DNAH11: variants seen among roughly 807,000 people sequenced by gnomAD.
DNAH11 encodes dynein axonemal heavy chain 11, also known as axonemal beta dynein heavy chain 11.
Under a neutral mutation model 526.0 loss-of-function variants are expected in DNAH11, and 442 were observed. That is an observed-to-expected ratio of 0.84 (90% confidence interval 0.78 to 0.91). The LOEUF (loss-of-function observed/expected upper bound fraction) is 0.91, where lower values mean the gene tolerates loss of function less well. DNAH11 is among the 40% of genes least tolerant of loss of function. The pLI is 0.00. For synonymous variants in DNAH11, 2,461 were observed against 1,935.9 expected, an observed-to-expected ratio of 1.27 and a Z score of -7.12; for missense variants, 6,989 against 5,448.7, an observed-to-expected ratio of 1.28 and a Z score of -8.90.
chr7:21,805,285 CT>C (rs556099028), intron 62 of DNAH11, among the ~76,000 whole-genome samples: 27 of 152,212 alleles, frequency 1.8e-4, no homozygotes, highest in African/African-American at 6.3e-4. Context: ...CGCACAAATA[CT>C]TTTTTTGGTC....
At chr7:21,676,490 G>A (rs1866672) in intron 30 of DNAH11, among the ~76,000 whole-genome samples, 57,221 of 151,984 alleles carry the variant, frequency 0.38, 11,004 homozygotes, top group Non-Finnish European at 0.41. Context: ...ATAACTGTGG[G>A]TACAGAATTT....
chr7:21,681,001 C>T lies in DNAH11; in HGVS notation c.5329-545C>T, dbSNP rs377653318. ...GGGTAGAGGGTCAGTCCAGTGCAGC[C>T]GGGAAACCCTGTGTCTTCCCTGGCT... On this transcript the variant is annotated intron_variant, in intron 30 of 81. Coordinates refer to ENST00000409508, the MANE Select transcript of DNAH11 (RefSeq NM_001277115.2). Among the ~76,000 whole-genome samples, 7 of 152,120 alleles carry T rather than the reference C, an allele frequency of 4.6e-5. No homozygotes were observed. The East Asian group carries it at 7.7e-4, about 17-fold the overall frequency.
chr7:21,814,933 C>G (rs10950878), intron 63 of DNAH11, among the ~76,000 whole-genome samples: 1 of 151,870 alleles, frequency 6.6e-6, no homozygotes, highest in Admixed American at 6.6e-5. Context: ...ACAATACTAT[C>G]GAAACATCCT....
rs2285945 is a variant in DNAH11 at position 21,543,664 on chromosome 7, T to G, written c.351+68T>G. 189,079 of 1,494,258 alleles carry G rather than the reference T, an allele frequency of 0.13. 23,717 individuals carry two copies. The highest frequency in any genetic ancestry group is 0.6 in the East Asian group (24,138 of 40,404). The allele number at this position is 1,494,258 out of a possible 1,614,324, so 92.6% of individuals were successfully genotyped here. ...TACCCAGGGGAGACAGCCCAGTCGC[T>G]CCCCTTTGGATTCCCGCGGGGCGCT... On this transcript the variant is annotated intron_variant, in intron 1 of 81. Transcript: ENST00000409508.
chr7:21,851,065 G>C (rs1782613288), intron 66 of DNAH11: 1 of 152,712 alleles, frequency 6.5e-6, no homozygotes, highest in Non-Finnish European at 1.5e-5. Context: ...GCCTTCCCCA[G>C]TGATATGGTT....
chr7:21,724,678 AACACT>A (rs1785011976), intron 44 of DNAH11, among the ~76,000 whole-genome samples: 1 of 57,702 alleles, frequency 1.7e-5, no homozygotes, highest in Non-Finnish European at 3.4e-5. Flanking sequence ...GAATATAGGA[AACACT>A]GGGCCAGGTC....
intron 8 of DNAH11, among the ~76,000 whole-genome samples, chr7:21,578,812 C>T (rs1329114048): frequency 6.6e-6 from 1 of 152,174 alleles, no homozygotes; most frequent in Non-Finnish European, 1.5e-5. Context: ...GCCTACCCAA[C>T]GTCTCCACTG....
At position 21,702,707 on chromosome 7, in the gene DNAH11, T is replaced by C. The variant is rs1317352851; in HGVS notation, c.6181-3T>C. 1 of 1,613,046 alleles carries C rather than the reference T, an allele frequency of 6.2e-7. No individual in the cohort carries two copies. Among genetic ancestry groups the C allele is most frequent in the East Asian group, 2.2e-5 (1 of 44,858 alleles). ...TGAGAAAATAAACCTGTTTTGATTT[T>C]AGGATCATTACGACTGGGGACTTCG... On this transcript the variant is annotated splice_polypyrimidine_tract_variant and splice_region_variant and intron_variant, in intron 36 of 81. Transcript: ENST00000409508.
chr7:21,782,859 G>A (rs185253114), intron 57 of DNAH11, among the ~76,000 whole-genome samples: 245 of 150,246 alleles, frequency 1.6e-3, no homozygotes, highest in African/African-American at 5.4e-3. Flanking sequence ...GCAGTGAGCC[G>A]AGATCATGCC....
chr7:21,690,952 A>G, intron 35 of DNAH11, 71 bp downstream of exon 35: 1 of 1,160,820 alleles, frequency 8.6e-7, no homozygotes, highest in Non-Finnish European at 1.2e-6. Context: ...TTGCACTGTT[A>G]AGTGGTTTGC....
In DNAH11 at chr7:21,698,218, G is replaced by C; in HGVS notation, c.6180+5G>C. The stretch of plus-strand genomic sequence containing the variant: ...AAGGAGCTTCTCTCCAAGCAGGTGA[G>C]GGATCATTTGTTACGTTTTCTTGTT... On this transcript the variant is annotated splice_donor_5th_base_variant and intron_variant, in intron 36 of 81. Coordinates refer to ENST00000409508, the MANE Select transcript of DNAH11 (RefSeq NM_001277115.2). 1.2e-6 allele frequency: 2 copies of C among 1,612,766 alleles called. No individual in the cohort carries two copies. Among genetic ancestry groups the C allele is most frequent in the Non-Finnish European group, 1.7e-6 (2 of 1,179,442 alleles).
intron 9 of DNAH11, among the ~76,000 whole-genome samples, chr7:21,587,702 G>A (rs1044653148): frequency 2.0e-5 from 3 of 152,132 alleles, no homozygotes. Context: ...GAATACATAT[G>A]TAGGAGGGAA....
chr7:21,710,785 T>A, intron 41 of DNAH11, 82 bp downstream of exon 41: 2 of 1,347,320 alleles, frequency 1.5e-6, no homozygotes, highest in Non-Finnish European at 2.0e-6. Flanking sequence ...ATGTTAATAC[T>A]AGTTTTTGCT....
rs574817516 is a variant in DNAH11 at position 21,736,383 on chromosome 7, G to A, written c.7645+539G>A. On this transcript the variant is annotated intron_variant, in intron 46 of 81. Coordinates refer to ENST00000409508, the MANE Select transcript of DNAH11 (RefSeq NM_001277115.2). ...TAGGTAGGGTGAGCAAAAGAGACAT[G>A]GGATGTAGAGAGGAAATCACCGAAA... 2.6e-5 allele frequency among the ~76,000 whole-genome samples: 4 copies of A among 152,264 alleles called. No homozygotes were observed. In the South Asian group the frequency reaches 6.2e-4, roughly 24 times the overall value.
intron 74 of DNAH11, among the ~76,000 whole-genome samples, chr7:21,874,300 C>G (rs970148822): frequency 9.4e-5 from 14 of 148,516 alleles, no homozygotes; most frequent in Admixed American, 3.4e-4. Context: ...CATGTTTTTC[C>G]AAGATAAGAC....
Position 21,617,797 on chromosome 7 carries a change from C to T in DNAH11, c.4254+20C>T. 1 of 1,554,422 alleles carries T rather than the reference C, an allele frequency of 6.4e-7. No homozygotes were observed. Among genetic ancestry groups the T allele is most frequent in the Non-Finnish European group, 8.7e-7 (1 of 1,152,596 alleles). ...ATTGGGGTCAGTATCCTTGGTCTCACTAATGAACCTTTTTATGACTGTGAA... is the reference window on the plus strand; with the variant it reads ...ATTGGGGTCAGTATCCTTGGTCTCATTAATGAACCTTTTTATGACTGTGAA... On this transcript the variant is annotated intron_variant, in intron 23 of 81. Transcript: ENST00000409508.
At chr7:21,772,895 T>A (rs1038075870) in intron 55 of DNAH11, among the ~76,000 whole-genome samples, 1 of 152,194 alleles carries the variant, frequency 6.6e-6, no homozygotes, top group Non-Finnish European at 1.5e-5. Context: ...AATGTTTGAC[T>A]GCATCACCAG....
chr7:21,553,909 T>C (rs1430042995), intron 2 of DNAH11, among the ~76,000 whole-genome samples: 1 of 148,670 alleles, frequency 6.7e-6, no homozygotes, highest in Non-Finnish European at 1.5e-5. Flanking sequence ...TAATCCTTTG[T>C]AATTTTTTTT....
At chr7:21,600,634 G>T in intron 15 of DNAH11, 42 bp from the exon 16 acceptor site, 1 of 1,531,306 alleles carries the variant, frequency 6.5e-7, no homozygotes, top group South Asian at 1.4e-5. Flanking sequence ...GGTAAAGTAA[G>T]GTTGGTTTGA....
Sources: gnomAD v4.1 joint callset for allele counts (sites outside exome capture counted in the v4.1 genomes callset) on GRCh38, gnomAD v4.1.1 for gene constraint, MANE v1.5 for transcripts, NCBI Gene and HGNC (gene_info 2026-07-23, HGNC 2026-07-21) for gene names.